Variants in PDZD7 observed in about 807,000 individuals in gnomAD.
PDZD7 encodes PDZ domain-containing protein 7.
In PDZD7, 72 loss-of-function variants were observed where a neutral mutation model predicts 84.7. That is an observed-to-expected ratio of 0.85 (90% confidence interval 0.70 to 1.03). PDZD7 has a LOEUF of 1.03. Ranked by LOEUF, PDZD7 falls within the 50% of genes least tolerant of loss-of-function variation. The pLI is 0.00. For synonymous variants in PDZD7, 594 were observed against 580.7 expected (o/e 1.02, Z -0.33); for missense variants, 1,490 against 1,412.9 (o/e 1.05, Z -0.87).
At chr10:101,022,492 G>A in intron 4 of PDZD7, 107 bp from the exon 5 acceptor site, 3 of 1,346,816 alleles carry the variant, frequency 2.2e-6, no homozygotes, top group Non-Finnish European at 3.1e-6. Flanking sequence ...GCCTTTGGGG[G>A]ACTCCCCAGG....
chr10:101,017,896 G>GAAAGAGA (rs1852781649), intron 9 of PDZD7: 1 of 389,720 alleles, frequency 2.6e-6, no homozygotes, highest in East Asian at 4.4e-5. Context: ...AGAAAGAAAA[G>GAAAGAGA]AAAGAAAGAA....
At position 101,008,593 on chromosome 10, in the gene PDZD7, T is replaced by C. The variant is rs1260273729; in HGVS notation, c.2976A>G (p.Glu992=). ...AAPVPAHWLP[E]PPTNPQTPPT... is the part of the protein sequence containing the mutation. ...GAGGAGTCTGGGGATTGGTGGGAGG[T>C]TCTGGGAGCCAGTGGGCAGGAACTG... is the stretch of plus-strand genomic sequence containing the variant. The change falls in exon 17 of 17, where the codon GAA becomes GAG. Residue 992 remains glutamate (E), a synonymous_variant. Transcript: ENST00000619208. The C allele has an allele frequency of 6.5e-7, 1 of 1,534,706 alleles. No individual in the cohort carries two copies. Among genetic ancestry groups the C allele is most frequent in the African/African-American group, 1.4e-5 (1 of 72,566 alleles).
intron 7 of PDZD7, 82 bp downstream of exon 7, chr10:101,020,536 C>T: frequency 7.5e-7 from 1 of 1,331,610 alleles, no homozygotes; most frequent in Non-Finnish European, 1.1e-6. Context: ...CCAAGCCTGG[C>T]CCTTTTCTTC....
At chr10:101,019,849 C>T (rs1852977305) in intron 7 of PDZD7, among the ~76,000 whole-genome samples, 1 of 151,416 alleles carries the variant, frequency 6.6e-6, no homozygotes. Flanking sequence ...TGGTCTCGAG[C>T]ACCTGACCTC....
At chr10:101,023,710 CAG>C in intron 3 of PDZD7, 100 bp from the exon 4 acceptor site, 1 of 1,493,804 alleles carries the variant, frequency 6.7e-7, no homozygotes, top group Non-Finnish European at 9.2e-7. Flanking sequence ...GCTTCTCAAT[CAG>C]AGTGAGGATT....
chr10:101,018,012 G>T (rs1360430964), intron 9 of PDZD7, 87 bp downstream of exon 9: 1 of 1,540,956 alleles, frequency 6.5e-7, no homozygotes, highest in Non-Finnish European at 9.0e-7. Flanking sequence ...CTGGTAAGAC[G>T]CGGTGTGGGA....
At chr10:101,022,441 C>G in intron 4 of PDZD7, 56 bp from the exon 5 acceptor site, 1 of 1,604,350 alleles carries the variant, frequency 6.2e-7, no homozygotes, top group Non-Finnish European at 8.5e-7. Flanking sequence ...CCACCCACCA[C>G]CCTCCCAGCA....
At chr10:101,014,601 T>G (rs1304914894) in intron 11 of PDZD7, among the ~76,000 whole-genome samples, 1 of 152,026 alleles carries the variant, frequency 6.6e-6, no homozygotes, top group African/African-American at 2.4e-5. Context: ...TCTGCAGCTC[T>G]GCTGCAAACC....
chr10:101,030,570 A>C, intron 1 of PDZD7, 186 bp from the exon 2 acceptor site: 2 of 455,024 alleles, frequency 4.4e-6, no homozygotes, highest in Non-Finnish European at 8.2e-6. Flanking sequence ...GACTTTATAC[A>C]AGGCAGGTGG....
At chr10:101,020,018 T>G (rs541651583) in intron 7 of PDZD7, among the ~76,000 whole-genome samples, 1 of 149,760 alleles carries the variant, frequency 6.7e-6, no homozygotes, top group South Asian at 2.1e-4. Flanking sequence ...AGCCTCAAAC[T>G]CCTGGGCTCA....
chr10:101,011,785 A>G lies in PDZD7; in HGVS notation c.1934-24T>C, dbSNP rs184675540. ...GACTGGTTGGAGAGATGAACAGGTCAGCGGCAAGGTACCCCGCCAGGCTCC... is the reference window on the plus strand; with the variant it reads ...GACTGGTTGGAGAGATGAACAGGTCGGCGGCAAGGTACCCCGCCAGGCTCC... On this transcript the variant is annotated intron_variant, in intron 13 of 16. Transcript: ENST00000619208. The G allele has an allele frequency of 3.0e-4, 464 of 1,550,464 alleles. No homozygotes were observed. In the African/African-American group the frequency reaches 6.0e-3, roughly 20 times the overall value.
Position 101,020,617 on chromosome 10 carries a change from C to A in PDZD7, c.928+1G>T. 6.2e-7 allele frequency: 1 copy of A among 1,613,382 alleles called. No homozygotes were observed. Among genetic ancestry groups the A allele is most frequent in the Non-Finnish European group, 8.5e-7 (1 of 1,179,424 alleles). ...AACCTTGGGAGATCTGAGCCACTTA[C>A]GTCGGTCCAGCCAGCAGTACTCAGA... is the stretch of plus-strand genomic sequence containing the variant. On this transcript the variant is annotated splice_donor_variant, in intron 7 of 16. Coordinates refer to ENST00000619208, the MANE Select transcript of PDZD7 (RefSeq NM_001195263.2). LOFTEE classifies it high-confidence loss of function.
chr10:101,029,957 T>G, intron 2 of PDZD7, 37 bp downstream of exon 2: 5 of 732,818 alleles, frequency 6.8e-6, no homozygotes, highest in African/African-American at 1.8e-5. Flanking sequence ...ACCCCCACCC[T>G]CCCCAACCCA....
intron 6 of PDZD7, 73 bp from the exon 7 acceptor site, chr10:101,020,751 G>A (rs1306381360): frequency 1.9e-6 from 2 of 1,060,252 alleles, no homozygotes; most frequent in Non-Finnish European, 2.9e-6. Context: ...GGGCGGGGGT[G>A]ACAGGATGGG....
intron 5 of PDZD7, 46 bp from the exon 6 acceptor site, chr10:101,021,991 C>G (rs1446078202): frequency 6.2e-7 from 1 of 1,608,802 alleles, no homozygotes; most frequent in Admixed American, 1.7e-5. Flanking sequence ...GGCCTGCCCT[C>G]CGTTACCCCA....
At chr10:101,013,952 C>T (rs559875917) in intron 11 of PDZD7, among the ~76,000 whole-genome samples, 5 of 150,614 alleles carry the variant, frequency 3.3e-5, no homozygotes, top group Non-Finnish European at 7.4e-5. Context: ...AGGGTTCAAG[C>T]GATTCTCCTG....
At chr10:101,023,732 G>A (rs768368585) in intron 3 of PDZD7, 122 bp from the exon 4 acceptor site, 2 of 1,440,724 alleles carry the variant, frequency 1.4e-6, no homozygotes, top group African/African-American at 1.4e-5. Context: ...TGTCAGAGCA[G>A]GGGCTGAGTG....
chr10:101,015,180 G>T (rs567560800), intron 11 of PDZD7, among the ~76,000 whole-genome samples: 1 of 152,222 alleles, frequency 6.6e-6, no homozygotes, highest in Non-Finnish European at 1.5e-5. Context: ...AGGCTTACTG[G>T]CTGACCTAGG....
At position 101,009,275 on chromosome 10, in the gene PDZD7, GC is replaced by G; in HGVS notation, c.2692del (p.Ala898ProfsTer22). ...VKIEKIFPGG[A>X]AFLSGALQAG... The stretch of plus-strand genomic sequence containing the variant: ...CTGCAGGGCCCCACTGAGGAAAGCG[GC>G]CCCCCCAGGGAAGATCTTCTCTATC... On this transcript the variant is annotated frameshift_variant, in exon 16 of 17. Coordinates refer to ENST00000619208, the MANE Select transcript of PDZD7 (RefSeq NM_001195263.2). LOFTEE classifies it low-confidence loss of function (END_TRUNC). 3.9e-6 allele frequency: 6 copies of G among 1,535,770 alleles called. No homozygotes were observed. Among genetic ancestry groups the G allele is most frequent in the Non-Finnish European group, 5.2e-6 (6 of 1,146,704 alleles).
Sources: gnomAD v4.1 joint callset for allele counts (sites outside exome capture counted in the v4.1 genomes callset) on GRCh38, gnomAD v4.1.1 for gene constraint, MANE v1.5 for transcripts, NCBI Gene and HGNC (gene_info 2026-07-23, HGNC 2026-07-21) for gene names.